The following NAV3 variants were observed in gnomAD, a reference collection of about 807,000 sequenced individuals.
NAV3 encodes the protein neuron navigator 3.
Under a neutral mutation model 244.7 loss-of-function variants are expected in NAV3, and 87 were observed. The ratio of observed to expected loss-of-function variants is 0.36; its 90% CI spans 0.30 to 0.42. NAV3 has a LOEUF of 0.42. Among genes scored for constraint, NAV3 ranks in the 20% least tolerant of loss-of-function variants. NAV3 has a pLI of 1.00. For synonymous variants in NAV3, 1,126 were observed against 1,042.2 expected (o/e 1.08, Z -1.55); for missense variants, 2,663 against 2,893.3 (o/e 0.92, Z 1.83).
chr12:78,160,291 G>T lies in NAV3; in HGVS notation c.4869+1005G>T, dbSNP rs115678456. 6.8e-3 allele frequency among the ~76,000 whole-genome samples: 1,032 copies of T among 152,090 alleles called. 11 individuals are homozygous for T. Among genetic ancestry groups the T allele is most frequent in the African/African-American group, 0.024 (985 of 41,480 alleles). On this transcript the variant is annotated intron_variant, in intron 23 of 39. Transcript: ENST00000397909. ...CTGGTCACCTTTCCTGTGATGACCA[G>T]TTAGCTTACTTCTCTGCTGTTAGTC...
At chr12:77,899,921 G>T (rs2619067) in intron 1 of NAV3, among the ~76,000 whole-genome samples, 1 of 151,884 alleles carries the variant, frequency 6.6e-6, no homozygotes, top group African/African-American at 2.4e-5. Flanking sequence ...ACATGTGCAC[G>T]CTTGTTACAT....
intron 1 of NAV3, among the ~76,000 whole-genome samples, chr12:77,861,872 C>T (rs1452749568): frequency 6.6e-6 from 1 of 151,760 alleles, no homozygotes; most frequent in Admixed American, 6.6e-5. Context: ...GAAGAATAGT[C>T]CCTACTCCGC....
chr12:77,584,519 C>T (rs895804434), intron 2 of NAV3, among the ~76,000 whole-genome samples: 1 of 151,798 alleles, frequency 6.6e-6, no homozygotes, highest in African/African-American at 2.4e-5. Flanking sequence ...ACCCATGTAC[C>T]TTTATTTCTT....
chr12:78,180,169 T>C (rs891117922), intron 29 of NAV3, among the ~76,000 whole-genome samples: 1 of 152,096 alleles, frequency 6.6e-6, no homozygotes, highest in African/African-American at 2.4e-5. Flanking sequence ...GTAAGGCTTG[T>C]GTATTTTTTT....
At chr12:78,006,180 G>T (rs1874179572) in intron 7 of NAV3, among the ~76,000 whole-genome samples, 1 of 151,908 alleles carries the variant, frequency 6.6e-6, no homozygotes, top group Admixed American at 6.6e-5. Context: ...AATTTCAGAG[G>T]GGAAAATAAA....
intron 1 of NAV3, among the ~76,000 whole-genome samples, chr12:77,880,207 G>C (rs1180118568): frequency 6.6e-6 from 1 of 152,108 alleles, no homozygotes; most frequent in African/African-American, 2.4e-5. Context: ...GAAGTCATGA[G>C]TCGCACAATT....
chr12:77,820,831 AT>A (rs1490672370), intron 2 of NAV3, among the ~76,000 whole-genome samples: 2 of 152,252 alleles, frequency 1.3e-5, no homozygotes, highest in South Asian at 4.1e-4. Context: ...GTGCCATAAG[AT>A]TTCCTTAAAG....
In NAV3 at chr12:78,188,505, T is replaced by G. The variant is rs139699066; in HGVS notation, c.5887-104T>G. ...ATTAACAGTTCTTATATTACCCATTTCTAATATTCTTGACAACTAGCTCTA... is the reference window on the plus strand; with the variant it reads ...ATTAACAGTTCTTATATTACCCATTGCTAATATTCTTGACAACTAGCTCTA... On this transcript the variant is annotated intron_variant, in intron 32 of 39. Coordinates refer to ENST00000397909, the MANE Select transcript of NAV3 (RefSeq NM_001024383.2). 1.8e-4 allele frequency: 221 copies of G among 1,241,880 alleles called. No homozygotes were observed. The African/African-American group carries it at 2.7e-3, about 15-fold the overall frequency. 76.9% of individuals were successfully genotyped at this position (1,241,880 alleles called of 1,614,324 possible).
In NAV3 at chr12:78,118,116, C is replaced by G; in HGVS notation, c.2859C>G (p.Ser953Arg). The G allele has an allele frequency of 6.2e-7, 1 of 1,614,008 alleles. No individual in the cohort carries two copies. The highest frequency in any genetic ancestry group is 8.5e-7 in the Non-Finnish European group (1 of 1,180,000). ...ELKKPEEDFD[S>R]HGDAGGKWKT... ...AAAAACCAGAAGAAGATTTTGACAG[C>G]CATGGGGATGCTGGTGGCAAGTGGA... Residue 953 changes from serine (S) to arginine (R), a missense_variant, in exon 14 of 40, where the codon AGC becomes AGG. Transcript: ENST00000397909.
At chr12:77,992,755 G>A (rs1871664779) in intron 5 of NAV3, among the ~76,000 whole-genome samples, 1 of 152,140 alleles carries the variant, frequency 6.6e-6, no homozygotes, top group Non-Finnish European at 1.5e-5. Flanking sequence ...AAGAGATGTG[G>A]AAACAAGCAC....
intron 12 of NAV3, among the ~76,000 whole-genome samples, chr12:78,078,238 G>A (rs142936791): frequency 4.3e-4 from 66 of 152,212 alleles, no homozygotes; most frequent in African/African-American, 1.5e-3. Flanking sequence ...AGGTTCTAGG[G>A]TTAGGGTTTC....
intron 2 of NAV3, among the ~76,000 whole-genome samples, chr12:77,690,493 A>T (rs143094833): frequency 1.3e-5 from 2 of 151,652 alleles, no homozygotes; most frequent in South Asian, 4.2e-4. Flanking sequence ...TATGTTTTAA[A>T]TTTCTAACAC....
chr12:77,975,443 G>A (rs1033486604), intron 5 of NAV3, among the ~76,000 whole-genome samples: 2 of 152,066 alleles, frequency 1.3e-5, no homozygotes, highest in African/African-American at 2.4e-5. Flanking sequence ...AGCTGATGAC[G>A]GAGAAAAATA....
intron 1 of NAV3, among the ~76,000 whole-genome samples, chr12:77,916,752 G>A (rs1887189112): frequency 6.6e-6 from 1 of 151,990 alleles, no homozygotes; most frequent in South Asian, 2.1e-4. Context: ...TCAGACAACA[G>A]AAATTACTGA....
intron 1 of NAV3, among the ~76,000 whole-genome samples, chr12:77,871,785 T>C (rs1881006034): frequency 6.6e-6 from 1 of 152,170 alleles, no homozygotes; most frequent in Admixed American, 6.6e-5. Context: ...TGATTGATAA[T>C]CCATTGGGTA....
Position 78,190,054 on chromosome 12 carries a change from C to T in NAV3, c.6126C>T (p.Tyr2042=). The part of the protein sequence containing the change: ...TLIPKPITQR[Y]FNLLMEHHRI... ...TTCCTAAACCAATTACCCAAAGGTA[C>T]TTTAACTTGTTGATGGAGCATCACA... is the stretch of plus-strand genomic sequence containing the variant. The change falls in exon 34 of 40, where the codon TAC becomes TAT. Residue 2042 remains tyrosine, a synonymous_variant. Transcript: ENST00000397909. 1.9e-6 allele frequency: 3 copies of T among 1,613,138 alleles called. No homozygotes were observed. Among genetic ancestry groups the T allele is most frequent in the Non-Finnish European group, 1.7e-6 (2 of 1,179,470 alleles).
At chr12:77,837,026 G>T (rs1306426357) in intron 1 of NAV3, among the ~76,000 whole-genome samples, 1 of 151,972 alleles carries the variant, frequency 6.6e-6, no homozygotes. Flanking sequence ...TTTAAAATAA[G>T]CATAAATAAT....
intron 1 of NAV3, 62 bp downstream of exon 1, chr12:77,831,766 A>G (rs1873745799): frequency 6.6e-7 from 1 of 1,510,180 alleles, no homozygotes; most frequent in Admixed American, 2.2e-5. Context: ...CTTTAAGTGC[A>G]CTATAAAACA....
At chr12:77,943,107 T>C (rs1233683653) in intron 3 of NAV3, among the ~76,000 whole-genome samples, 3 of 152,210 alleles carry the variant, frequency 2.0e-5, no homozygotes, top group South Asian at 2.1e-4. Context: ...CAATGGTTAA[T>C]AGAGATGCTG....
Sources: allele counts gnomAD v4.1 joint callset (sites outside exome capture counted in the v4.1 genomes callset), GRCh38; gene constraint gnomAD v4.1.1; transcripts MANE v1.5; gene names NCBI Gene and HGNC (gene_info 2026-07-23, HGNC 2026-07-21).